The following AFAP1 variants were observed in gnomAD, a reference collection of about 807,000 sequenced individuals.
The protein encoded by AFAP1 is actin filament-associated protein 1.
Under a neutral mutation model 93.9 loss-of-function variants are expected in AFAP1, and 75 were observed. The observed-to-expected ratio is 0.80, with a 90% CI of 0.66 to 0.97. The LOEUF (loss-of-function observed/expected upper bound fraction) is 0.97, where lower values mean the gene tolerates loss of function less well. Among genes scored for constraint, AFAP1 ranks in the 50% least tolerant of loss-of-function variants. The pLI, the probability that AFAP1 is intolerant of heterozygous loss-of-function variation, is 0.00. For synonymous variants in AFAP1, 517 were observed against 430.7 expected, an observed-to-expected ratio of 1.20 and a Z score of -2.48; for missense variants, 1,201 against 1,050.8, an observed-to-expected ratio of 1.14 and a Z score of -1.98.
intron 14 of AFAP1, 58 bp downstream of exon 14, chr4:7,778,704 C>T (rs1716413858): frequency 6.5e-7 from 1 of 1,547,028 alleles, no homozygotes; most frequent in African/African-American, 1.4e-5. Context: ...CTCAGACAGG[C>T]CCAGCTCCAC....
intron 1 of AFAP1, among the ~76,000 whole-genome samples, chr4:7,896,819 C>T (rs1176354462): frequency 6.7e-6 from 1 of 149,240 alleles, no homozygotes; most frequent in Admixed American, 6.7e-5. Flanking sequence ...AGGGCTCAGT[C>T]CTCACTTCCC....
chr4:7,852,050 C>A (rs946041142), intron 4 of AFAP1, among the ~76,000 whole-genome samples: 9 of 152,152 alleles, frequency 5.9e-5, no homozygotes, highest in Non-Finnish European at 1.0e-4. Flanking sequence ...AAGTCACTTA[C>A]CCAATAGGTC....
At chr4:7,768,068 C>T (rs937419771) in intron 17 of AFAP1, among the ~76,000 whole-genome samples, 1 of 152,324 alleles carries the variant, frequency 6.6e-6, no homozygotes, top group Middle Eastern at 3.4e-3. Context: ...GAGCGAGGCC[C>T]TGCCTCAAAA....
At chr4:7,859,634 T>C (rs879012015) in intron 3 of AFAP1, among the ~76,000 whole-genome samples, 1 of 152,176 alleles carries the variant, frequency 6.6e-6, no homozygotes, top group Non-Finnish European at 1.5e-5. Context: ...TAAAAGCTCC[T>C]AAACTTTTAG....
intron 15 of AFAP1, chr4:7,773,932 G>C (rs1005675352): frequency 6.6e-5 from 10 of 152,448 alleles, no homozygotes; most frequent in African/African-American, 2.4e-4. Context: ...TCCCCGCGCG[G>C]CGAGCCATGG....
chr4:7,889,222 T>C (rs1001310158), intron 1 of AFAP1, among the ~76,000 whole-genome samples: 2 of 152,174 alleles, frequency 1.3e-5, no homozygotes, highest in African/African-American at 4.8e-5. Context: ...ATTCACCATA[T>C]TAGCAGATAC....
chr4:7,914,058 CTTT>C (rs748005244), intron 1 of AFAP1, among the ~76,000 whole-genome samples: 3 of 144,746 alleles, frequency 2.1e-5, no homozygotes, highest in Admixed American at 6.9e-5. Context: ...ACTATATATT[CTTT>C]TTTTTTTTTT....
chr4:7,928,850 GCA>G (rs1276211967), intron 1 of AFAP1, among the ~76,000 whole-genome samples: 1 of 152,214 alleles, frequency 6.6e-6, no homozygotes, highest in Non-Finnish European at 1.5e-5. Context: ...TACATGAGGG[GCA>G]CAGAGAAAGA....
chr4:7,790,180 T>G (rs558646698), intron 11 of AFAP1, among the ~76,000 whole-genome samples: 70 of 152,322 alleles, frequency 4.6e-4, no homozygotes, highest in Admixed American at 1.0e-3. Context: ...CAACCATATT[T>G]TGAACACTGT....
intron 4 of AFAP1, among the ~76,000 whole-genome samples, chr4:7,851,788 G>A (rs1714471075): frequency 6.6e-6 from 1 of 152,124 alleles, no homozygotes; most frequent in African/African-American, 2.4e-5. Flanking sequence ...CCCACGCCCT[G>A]ACACCATCCC....
chr4:7,886,967 C>T, intron 1 of AFAP1, among the ~76,000 whole-genome samples: 1 of 152,296 alleles, frequency 6.6e-6, no homozygotes, highest in South Asian at 2.1e-4. Context: ...TGAGATGTTA[C>T]CCCTGACATC....
intron 12 of AFAP1, among the ~76,000 whole-genome samples, chr4:7,782,628 G>A (rs1162668799): frequency 6.6e-6 from 1 of 152,198 alleles, no homozygotes; most frequent in Admixed American, 6.5e-5. Flanking sequence ...GGCCTTTTCA[G>A]GGGTAAAGGT....
At chr4:7,852,700 T>C (rs1458335422) in intron 4 of AFAP1, among the ~76,000 whole-genome samples, 1 of 151,478 alleles carries the variant, frequency 6.6e-6, no homozygotes, top group Non-Finnish European at 1.5e-5. Context: ...TAGATGGAGG[T>C]GGTAAATTCT....
chr4:7,939,014 C>A lies in AFAP1; in HGVS notation c.-3+642G>T, dbSNP rs7669433. 54,233 of 153,492 alleles carry A rather than the reference C, an allele frequency of 0.35. 10,366 individuals are homozygous for A. Among genetic ancestry groups the A allele is most frequent in the African/African-American group, 0.49 (20,473 of 41,398 alleles). 9.5% of individuals were successfully genotyped at this position (153,492 alleles called of 1,614,324 possible). A position where few individuals can be genotyped will look rare whatever the true frequency, so the allele number is the denominator to read the frequency against. ...GTGCGCCCCCACCAACCGCGCCCCC[C>A]GCGCACGGACCCCCATTACACTCGC... On this transcript the variant is annotated intron_variant, in intron 1 of 17. Coordinates refer to ENST00000420658, the MANE Select transcript of AFAP1 (RefSeq NM_001134647.2). The surrounding 1 kb of genome is among the most constrained non-coding windows in gnomAD (Gnocchi z 5.6).
intron 4 of AFAP1, among the ~76,000 whole-genome samples, chr4:7,852,967 G>A (rs940596689): frequency 2.6e-5 from 4 of 152,138 alleles, no homozygotes; most frequent in African/African-American, 9.7e-5. Flanking sequence ...GGGGAGTTGG[G>A]GAATTTCCCG....
intron 2 of AFAP1, among the ~76,000 whole-genome samples, chr4:7,871,470 GCA>G (rs981875561): frequency 1.2e-3 from 189 of 152,304 alleles, no homozygotes; most frequent in African/African-American, 4.2e-3. Context: ...TGGAAATGTC[GCA>G]CAGAGCTTGC....
intron 16 of AFAP1, chr4:7,772,208 G>A (rs1377957682): frequency 6.6e-6 from 1 of 152,268 alleles, no homozygotes; most frequent in Non-Finnish European, 1.5e-5. Flanking sequence ...CTGCAGGCGT[G>A]TTTACTGCTC....
At chr4:7,938,873 C>T (rs1721545861) in intron 1 of AFAP1, 1 of 152,188 alleles carries the variant, frequency 6.6e-6, no homozygotes, top group South Asian at 2.1e-4. Flanking sequence ...CCCCGCGCCC[C>T]CCGGGGCCCG....
chr4:7,760,620 G>A lies in AFAP1; in HGVS notation c.*3145C>T, dbSNP rs181400876. 9 of 152,312 alleles carry A rather than the reference G, an allele frequency of 5.9e-5. No homozygotes were observed. Among genetic ancestry groups the A allele is most frequent in the African/African-American group, 2.2e-4 (9 of 41,596 alleles). 9.4% of individuals were successfully genotyped at this position (152,312 alleles called of 1,614,324 possible). On this transcript the variant is annotated 3_prime_UTR_variant, in exon 18 of 18. Coordinates refer to ENST00000420658, the MANE Select transcript of AFAP1 (RefSeq NM_001134647.2). ...CTGTGCCCAGGTCAGGGGGACAAAGGGAGCCCTCGAATCTGATAGTTGTTT... is the reference window on the plus strand; with the variant it reads ...CTGTGCCCAGGTCAGGGGGACAAAGAGAGCCCTCGAATCTGATAGTTGTTT...
Sources: allele counts gnomAD v4.1 joint callset (sites outside exome capture counted in the v4.1 genomes callset), GRCh38; gene constraint gnomAD v4.1.1; non-coding constraint Gnocchi (gnomAD v3.1); transcripts MANE v1.5; gene names NCBI Gene and HGNC (gene_info 2026-07-23, HGNC 2026-07-21).